The following PDLIM5 variants were observed in gnomAD, a reference collection of about 807,000 sequenced individuals.
The protein encoded by PDLIM5 is PDZ and LIM domain protein 5.
A neutral mutation model predicts 64.2 loss-of-function variants in PDLIM5; 34 were observed. That is an observed-to-expected ratio of 0.53 (90% CI 0.40 to 0.71). The LOEUF is 0.71. Among genes scored for constraint, PDLIM5 ranks in the 30% least tolerant of loss-of-function variants. The probability of loss-of-function intolerance (pLI) is 0.00; values close to 1 mark genes in which losing one functional copy is unlikely to be tolerated. For missense variants in PDLIM5, 683 were observed against 733.6 expected (o/e 0.93, Z 0.80); for synonymous variants, 253 against 269.1 (o/e 0.94, Z 0.59).
At chr4:94,586,520 A>G (rs1736217059) in intron 7 of PDLIM5, 76 bp downstream of exon 7, 7 of 848,462 alleles carry the variant, frequency 8.3e-6, no homozygotes, top group Non-Finnish European at 1.4e-5. Context: ...CAAATTGTCA[A>G]GTATAATGGT....
At chr4:94,625,405 T>C (rs1380807141) in intron 8 of PDLIM5, among the ~76,000 whole-genome samples, 2 of 152,092 alleles carry the variant, frequency 1.3e-5, no homozygotes, top group Admixed American at 6.5e-5. Flanking sequence ...GTTGATATGA[T>C]ATTATGGCGA....
intron 5 of PDLIM5, among the ~76,000 whole-genome samples, chr4:94,580,508 A>G (rs1735642423): frequency 6.6e-6 from 1 of 152,108 alleles, no homozygotes; most frequent in Non-Finnish European, 1.5e-5. Context: ...TTCTGGACGG[A>G]GACTTAGGCT....
chr4:94,486,517 G>T (rs1302846006), intron 2 of PDLIM5, among the ~76,000 whole-genome samples: 3 of 152,014 alleles, frequency 2.0e-5, no homozygotes, highest in Admixed American at 1.3e-4. Context: ...GTACTTTTTT[G>T]AGGGTGGCAG....
At chr4:94,619,519 A>G (rs1739055379) in intron 8 of PDLIM5, among the ~76,000 whole-genome samples, 2 of 152,020 alleles carry the variant, frequency 1.3e-5, no homozygotes, top group African/African-American at 4.8e-5. Context: ...GGGCGCCTGT[A>G]GTCCCAGCTA....
chr4:94,637,021 GA>G (rs1165222231), intron 8 of PDLIM5, among the ~76,000 whole-genome samples: 1 of 152,118 alleles, frequency 6.6e-6, no homozygotes, highest in African/African-American at 2.4e-5. Flanking sequence ...GTAGCAGTAG[GA>G]AAAGGGACAT....
intron 8 of PDLIM5, among the ~76,000 whole-genome samples, chr4:94,635,593 A>G (rs1325805257): frequency 6.6e-6 from 1 of 152,218 alleles, no homozygotes; most frequent in Non-Finnish European, 1.5e-5. Context: ...TTTAGAGGTC[A>G]ATGTGCTACC....
chr4:94,664,657 G>T lies in PDLIM5; in HGVS notation c.*590G>T. 2 of 225,268 alleles carry T rather than the reference G, an allele frequency of 8.9e-6. No homozygotes were observed. The highest frequency in any genetic ancestry group is 1.5e-5 in the Non-Finnish European group (2 of 135,136). 14.0% of individuals were successfully genotyped at this position (225,268 alleles called of 1,614,324 possible). ...GGCCAAGGTGGGTGGACCACATGAGGTCAGGAGTTTGAGATCAGCCTGGCC... is the reference window on the plus strand; with the variant it reads ...GGCCAAGGTGGGTGGACCACATGAGTTCAGGAGTTTGAGATCAGCCTGGCC... On this transcript the variant is annotated 3_prime_UTR_variant, in exon 13 of 13. Transcript: ENST00000317968.
chr4:94,576,184 A>G, intron 5 of PDLIM5, 150 bp downstream of exon 5: 2 of 641,458 alleles, frequency 3.1e-6, no homozygotes, highest in East Asian at 2.7e-5. Flanking sequence ...TGGCCTTTAT[A>G]TACATAGGGT....
intron 7 of PDLIM5, among the ~76,000 whole-genome samples, chr4:94,588,730 C>T (rs562331082): frequency 2.6e-5 from 4 of 152,086 alleles, no homozygotes; most frequent in South Asian, 2.1e-4. Context: ...GTGAAATTAC[C>T]GCTGAAGGAC....
chr4:94,519,036 G>C (rs1278578660), intron 2 of PDLIM5, among the ~76,000 whole-genome samples: 1 of 152,178 alleles, frequency 6.6e-6, no homozygotes, highest in Non-Finnish European at 1.5e-5. Context: ...CCATTCTTTA[G>C]GAATCGATTT....
chr4:94,457,062 GTA>G, intron 2 of PDLIM5: 1 of 875,984 alleles, frequency 1.1e-6, no homozygotes, highest in Non-Finnish European at 1.4e-6. Context: ...TAATATATGT[GTA>G]TGTATAAATA....
intron 7 of PDLIM5, among the ~76,000 whole-genome samples, chr4:94,614,290 T>G (rs1025777825): frequency 6.7e-6 from 1 of 149,884 alleles, no homozygotes; most frequent in African/African-American, 2.5e-5. Context: ...CAATGTTTGT[T>G]TTTTTACAGA....
intron 10 of PDLIM5, 132 bp downstream of exon 10, chr4:94,654,772 T>C (rs1234374243): frequency 1.6e-5 from 10 of 621,312 alleles, no homozygotes; most frequent in Non-Finnish European, 2.5e-5. Context: ...GCACTATTTA[T>C]TATTGTAAAG....
intron 2 of PDLIM5, among the ~76,000 whole-genome samples, chr4:94,465,598 A>G (rs1270302512): frequency 6.6e-6 from 1 of 151,778 alleles, no homozygotes; most frequent in African/African-American, 2.4e-5. Context: ...TTCAGTAGAG[A>G]CGGGGTTTCA....
rs116636367 is a variant in PDLIM5, at chr4:94,580,573, T to A, written c.710+4539T>A. 6.9e-3 allele frequency among the ~76,000 whole-genome samples: 1,053 copies of A among 152,242 alleles called. 11 individuals are homozygous for A. Among genetic ancestry groups the A allele is most frequent in the African/African-American group, 0.023 (942 of 41,552 alleles). ...GACTTGTAAAGGGGGAGAATGGCGTTTGGAAAAATAAACATTTAGGTTAGA... is the reference window on the plus strand; with the variant it reads ...GACTTGTAAAGGGGGAGAATGGCGTATGGAAAAATAAACATTTAGGTTAGA... On this transcript the variant is annotated intron_variant, in intron 5 of 12. Coordinates refer to ENST00000317968, the MANE Select transcript of PDLIM5 (RefSeq NM_006457.5).
At chr4:94,494,441 T>G (rs1262341868) in intron 2 of PDLIM5, among the ~76,000 whole-genome samples, 17 of 87,140 alleles carry the variant, frequency 2.0e-4, no homozygotes, top group African/African-American at 3.7e-4. Flanking sequence ...TGTTTTTTTT[T>G]TTTTTTTTTT....
At chr4:94,602,758 T>G (rs1737606825) in intron 7 of PDLIM5, among the ~76,000 whole-genome samples, 1 of 152,000 alleles carries the variant, frequency 6.6e-6, no homozygotes, top group African/African-American at 2.4e-5. Context: ...ACCAGGCCCC[T>G]GCAGCCTGGT....
In PDLIM5 at chr4:94,668,182, A is replaced by G. The variant is rs1743168593; in HGVS notation, c.*4115A>G. On this transcript the variant is annotated 3_prime_UTR_variant, in exon 13 of 13. Coordinates refer to ENST00000317968, the MANE Select transcript of PDLIM5 (RefSeq NM_006457.5). ...TAATCAGTATAGTAATAATACCATA[A>G]TGTGCACATACTCAATAAATAAATG... 6.6e-6 allele frequency: 1 copy of G among 152,172 alleles called. No homozygotes were observed. The highest frequency in any genetic ancestry group is 2.4e-5 in the African/African-American group (1 of 41,444). The allele number at this position is 152,172 out of a possible 1,614,324, so 9.4% of individuals were successfully genotyped here.
chr4:94,589,141 G>A (rs1736478385), intron 7 of PDLIM5, among the ~76,000 whole-genome samples: 1 of 152,100 alleles, frequency 6.6e-6, no homozygotes, highest in Admixed American at 6.5e-5. Context: ...TCTGAGAGAC[G>A]ATGGAATTAA....
Sources: allele counts gnomAD v4.1 joint callset (sites outside exome capture counted in the v4.1 genomes callset), GRCh38; gene constraint gnomAD v4.1.1; transcripts MANE v1.5; gene names NCBI Gene and HGNC (gene_info 2026-07-23, HGNC 2026-07-21).